The following TGFBR2 variants were observed in gnomAD, a reference collection of about 807,000 sequenced individuals.
The protein encoded by TGFBR2 is TGF-beta receptor type-2.
In TGFBR2, 18 loss-of-function variants were observed where a neutral mutation model predicts 49.0. The ratio of observed to expected loss-of-function variants is 0.37; its 90% CI spans 0.25 to 0.54. The LOEUF (loss-of-function observed/expected upper bound fraction) is 0.54, where lower values mean the gene tolerates loss of function less well. TGFBR2 is among the 20% of genes least tolerant of loss of function. TGFBR2 has a pLI of 0.85. For synonymous variants in TGFBR2, 282 were observed against 275.9 expected, an observed-to-expected ratio of 1.02 and a Z score of -0.22; for missense variants, 525 against 722.6, an observed-to-expected ratio of 0.73 and a Z score of 3.13.
At chr3:30,663,716 C>T (rs1699188571) in intron 3 of TGFBR2, among the ~76,000 whole-genome samples, 1 of 152,128 alleles carries the variant, frequency 6.6e-6, no homozygotes, top group African/African-American at 2.4e-5. Context: ...CATGAACAGA[C>T]TTCTGGGGTG....
chr3:30,645,658 G>A (rs1251880503), intron 2 of TGFBR2, among the ~76,000 whole-genome samples: 1 of 151,888 alleles, frequency 6.6e-6, no homozygotes, highest in African/African-American at 2.4e-5. Flanking sequence ...GCTAAGTTTT[G>A]TATTTTTAGT....
chr3:30,657,764 C>T (rs1464499097), intron 3 of TGFBR2, among the ~76,000 whole-genome samples: 2 of 152,146 alleles, frequency 1.3e-5, no homozygotes, highest in Non-Finnish European at 2.9e-5. Flanking sequence ...CCTGCAAATT[C>T]CTCCACCTGA....
chr3:30,626,597 A>G (rs759995702), intron 1 of TGFBR2: 4 of 152,618 alleles, frequency 2.6e-5, no homozygotes, highest in Non-Finnish European at 4.4e-5. Context: ...CACACACCAT[A>G]TAGAGGCAGT....
At chr3:30,687,960 T>C (rs1699652644) in intron 5 of TGFBR2, among the ~76,000 whole-genome samples, 1 of 151,994 alleles carries the variant, frequency 6.6e-6, no homozygotes, top group Admixed American at 6.5e-5. Flanking sequence ...TAATACCACA[T>C]TTTAAATCTC....
chr3:30,680,273 T>C (rs976308133), intron 5 of TGFBR2, among the ~76,000 whole-genome samples: 14 of 152,346 alleles, frequency 9.2e-5, no homozygotes, highest in Non-Finnish European at 2.1e-4. Context: ...CATTCAGTGA[T>C]GGCCTCACTT....
chr3:30,681,436 C>T (rs1444309702), intron 5 of TGFBR2, among the ~76,000 whole-genome samples: 5 of 152,060 alleles, frequency 3.3e-5, no homozygotes, highest in Admixed American at 2.0e-4. Flanking sequence ...GCTGACTTTC[C>T]GAGGAATACC....
At chr3:30,681,168 A>G (rs867071300) in intron 5 of TGFBR2, among the ~76,000 whole-genome samples, 2,030 of 151,354 alleles carry the variant, frequency 0.013, 69 homozygotes, top group African/African-American at 0.047. Flanking sequence ...ATGAAAAAAA[A>G]AAAAAAAAAA....
chr3:30,607,780 G>GAAA (rs1697949059), intron 1 of TGFBR2, among the ~76,000 whole-genome samples: 2 of 128,358 alleles, frequency 1.6e-5, no homozygotes, highest in African/African-American at 6.8e-5. Flanking sequence ...GGTTTTTAAG[G>GAAA]AAAAAATAAA....
At chr3:30,665,100 G>A (rs1699220498) in intron 3 of TGFBR2, among the ~76,000 whole-genome samples, 1 of 152,176 alleles carries the variant, frequency 6.6e-6, no homozygotes, top group South Asian at 2.1e-4. Flanking sequence ...TGTGAAGTTG[G>A]CAGTGAAGCT....
chr3:30,676,923 C>T lies in TGFBR2; in HGVS notation c.1396+2677C>T, dbSNP rs1017157248. Among the ~76,000 whole-genome samples the T allele has an allele frequency of 2.0e-5, 3 of 152,216 alleles. No homozygotes were observed. The highest frequency in any genetic ancestry group is 6.5e-5 in the Admixed American group (1 of 15,288). ...AATTTGTTTAACCAAGTTTCAGCCA[C>T]TGAGAATAATTTTATGCTTGAAAGC... On this transcript the variant is annotated intron_variant, in intron 5 of 6. Coordinates refer to ENST00000295754, the MANE Select transcript of TGFBR2 (RefSeq NM_003242.6). This position sits in a 1 kb window ranked among gnomAD's most constrained non-coding sequence, Gnocchi z 4.3.
At chr3:30,688,630 C>T (rs1699663887) in intron 6 of TGFBR2, 119 bp downstream of exon 6, 16 of 1,430,834 alleles carry the variant, frequency 1.1e-5, no homozygotes, top group Non-Finnish European at 1.5e-5. Context: ...TTCTATGGCC[C>T]TGTTAAATTT....
At chr3:30,610,658 G>A (rs1303693462) in intron 1 of TGFBR2, among the ~76,000 whole-genome samples, 1 of 152,102 alleles carries the variant, frequency 6.6e-6, no homozygotes, top group African/African-American at 2.4e-5. Context: ...GTCATCCCTG[G>A]TCTCATTTGT....
rs4016180 is a variant in TGFBR2, at chr3:30,691,909, T to TTATATA, written c.*324_*329dup. 8.5e-5 allele frequency: 21 copies of TTATATA among 247,476 alleles called. No individual in the cohort carries two copies. Among genetic ancestry groups the TTATATA allele is most frequent in the African/African-American group, 3.0e-4 (13 of 43,962 alleles). The allele number at this position is 247,476 out of a possible 1,614,324, so 15.3% of individuals were successfully genotyped here. ...GTATATAAATATGAATAGCTATGTT[T>TTATATA]TATATATATATATATATATCTATAT... On this transcript the variant is annotated 3_prime_UTR_variant, in exon 7 of 7. Coordinates refer to ENST00000295754, the MANE Select transcript of TGFBR2 (RefSeq NM_003242.6).
chr3:30,621,405 C>T (rs1371970755), intron 1 of TGFBR2, among the ~76,000 whole-genome samples: 5 of 151,394 alleles, frequency 3.3e-5, no homozygotes, highest in Non-Finnish European at 5.9e-5. Context: ...CTCAGCCTCC[C>T]GAGTAGCTGG....
At chr3:30,624,434 G>T (rs906055749) in intron 1 of TGFBR2, among the ~76,000 whole-genome samples, 3 of 151,936 alleles carry the variant, frequency 2.0e-5, no homozygotes, top group Non-Finnish European at 4.4e-5. Context: ...TGGCCAACAT[G>T]GTGAAACCCC....
rs984098699 is a variant in TGFBR2, at chr3:30,644,755, G to C, written c.103G>C (p.Asp35His). The change falls in exon 2 of 7, where the codon GAC becomes CAC. Residue 35 changes from aspartate to histidine, a missense_variant. Physicochemically the swap from Asp to His is moderately conservative, Grantham distance 81. Transcript: ENST00000295754. ...TCTTTCTCTCTCCTCAGTTAATAACGACATGATAGTCACTGACAACAACGG... is the reference window on the plus strand; with the variant it reads ...TCTTTCTCTCTCCTCAGTTAATAACCACATGATAGTCACTGACAACAACGG... The part of the protein sequence containing the change: ...PPHVQKSVNN[D>H]MIVTDNNGAV... 3.7e-6 allele frequency: 6 copies of C among 1,613,964 alleles called. No homozygotes were observed. The highest frequency in any genetic ancestry group is 4.5e-5 in the East Asian group (2 of 44,874).
intron 6 of TGFBR2, 106 bp from the exon 7 acceptor site, chr3:30,691,314 T>G: frequency 7.7e-7 from 1 of 1,290,398 alleles, no homozygotes; most frequent in Non-Finnish European, 1.1e-6. Flanking sequence ...CACAGGCACT[T>G]TTGGACCCTG....
At chr3:30,673,415 G>T (rs942461564) in intron 4 of TGFBR2, among the ~76,000 whole-genome samples, 2 of 152,086 alleles carry the variant, frequency 1.3e-5, no homozygotes, top group African/African-American at 4.8e-5. Flanking sequence ...CCATTCTCTG[G>T]AATATTTTTT....
intron 5 of TGFBR2, among the ~76,000 whole-genome samples, chr3:30,683,914 C>G (rs1699577090): frequency 6.6e-6 from 1 of 152,202 alleles, no homozygotes; most frequent in Non-Finnish European, 1.5e-5. Flanking sequence ...ACCTGGCTGG[C>G]AGAGGGCTTT....
Sources: allele counts gnomAD v4.1 joint callset (sites outside exome capture counted in the v4.1 genomes callset), GRCh38; gene constraint gnomAD v4.1.1; non-coding constraint Gnocchi (gnomAD v3.1); transcripts MANE v1.5; gene names NCBI Gene and HGNC (gene_info 2026-07-23, HGNC 2026-07-21).